GXYLT1: variants seen among roughly 807,000 people sequenced by gnomAD.
GXYLT1 encodes glycosyltransferase 8 domain containing 3.
A neutral mutation model predicts 54.0 loss-of-function variants in GXYLT1; 29 were observed. The observed-to-expected ratio is 0.54, with a 90% CI of 0.40 to 0.73. The LOEUF is 0.73. Among genes scored for constraint, GXYLT1 ranks in the 30% least tolerant of loss-of-function variants. GXYLT1 has a pLI of 0.00. For synonymous variants in GXYLT1, 176 were observed against 204.1 expected (o/e 0.86, Z 1.17); for missense variants, 490 against 553.4 (o/e 0.89, Z 1.15).
In GXYLT1 at chr12:42,086,831, A is replaced by T. The variant is rs1467839521; in HGVS notation, c.*955T>A. 6.6e-6 allele frequency: 1 copy of T among 152,110 alleles called. No homozygotes were observed. The highest frequency in any genetic ancestry group is 1.5e-5 in the Non-Finnish European group (1 of 68,000). The allele number at this position is 152,110 out of a possible 1,614,324, so 9.4% of individuals were successfully genotyped here. A position where few individuals can be genotyped will look rare whatever the true frequency, so the allele number is the denominator to read the frequency against. On this transcript the variant is annotated 3_prime_UTR_variant, in exon 8 of 8. Transcript: ENST00000398675. Reference sequence around the variant, plus strand: ...TGAGGTAGAAGACAAGTTTAAATGGACCATATTTTTCTACTCCATTGTAAC... The same window carrying T: ...TGAGGTAGAAGACAAGTTTAAATGGTCCATATTTTTCTACTCCATTGTAAC...
intron 1 of GXYLT1, among the ~76,000 whole-genome samples, chr12:42,138,252 G>C (rs1361062269): frequency 6.6e-6 from 1 of 152,120 alleles, no homozygotes; most frequent in African/African-American, 2.4e-5. Context: ...GGGTGACAGA[G>C]ACTGCGTCTG....
chr12:42,099,240 G>A (rs532178136), intron 5 of GXYLT1, among the ~76,000 whole-genome samples: 1 of 152,228 alleles, frequency 6.6e-6, no homozygotes, highest in South Asian at 2.1e-4. Context: ...CAACTAATTG[G>A]CATATCAACA....
At chr12:42,109,349 C>T (rs1435732703) in intron 4 of GXYLT1, among the ~76,000 whole-genome samples, 2 of 152,104 alleles carry the variant, frequency 1.3e-5, no homozygotes, top group African/African-American at 2.4e-5. Flanking sequence ...ACAGAAATTA[C>T]TAAAAATTTT....
chr12:42,125,145 T>C (rs950506746), intron 2 of GXYLT1, among the ~76,000 whole-genome samples: 4 of 151,970 alleles, frequency 2.6e-5, no homozygotes, highest in Non-Finnish European at 5.9e-5. Flanking sequence ...AAATGATGAG[T>C]ACAACGGTTA....
intron 1 of GXYLT1, among the ~76,000 whole-genome samples, chr12:42,136,311 G>C (rs562371123): frequency 8.5e-5 from 13 of 152,324 alleles, no homozygotes; most frequent in Non-Finnish European, 1.8e-4. Context: ...TAGTTATCCA[G>C]GTTCTGGCTA....
intron 7 of GXYLT1, among the ~76,000 whole-genome samples, chr12:42,094,484 C>A (rs1171627453): frequency 2.0e-5 from 3 of 151,814 alleles, no homozygotes; most frequent in Admixed American, 6.6e-5. Flanking sequence ...ACAGCAACAT[C>A]CCCATCTCCA....
At chr12:42,095,965 G>T (rs1325271125) in intron 7 of GXYLT1, among the ~76,000 whole-genome samples, 1 of 152,132 alleles carries the variant, frequency 6.6e-6, no homozygotes, top group African/African-American at 2.4e-5. Context: ...GCTGGTTTGG[G>T]GGTGGAGACA....
intron 2 of GXYLT1, among the ~76,000 whole-genome samples, chr12:42,129,118 C>A (rs533858079): frequency 5.3e-5 from 8 of 152,264 alleles, no homozygotes; most frequent in Admixed American, 3.3e-4. Context: ...ACTGCCTTAT[C>A]GTATTCTTAT....
chr12:42,137,527 C>T (rs1409847452), intron 1 of GXYLT1, among the ~76,000 whole-genome samples: 2 of 85,004 alleles, frequency 2.4e-5, no homozygotes, highest in African/African-American at 8.2e-5. Flanking sequence ...AAAAAAAAAG[C>T]GGATCACAAG....
intron 7 of GXYLT1, among the ~76,000 whole-genome samples, chr12:42,092,992 T>C (rs1006569829): frequency 1.3e-5 from 2 of 152,196 alleles, no homozygotes; most frequent in African/African-American, 4.8e-5. Flanking sequence ...CTATAAAACA[T>C]TCCTAAAAGA....
chr12:42,102,662 A>T (rs1053811322), intron 5 of GXYLT1, among the ~76,000 whole-genome samples: 1 of 152,130 alleles, frequency 6.6e-6, no homozygotes, highest in Non-Finnish European at 1.5e-5. Context: ...AAAAATTCCC[A>T]CCATGTCTAA....
intron 1 of GXYLT1, among the ~76,000 whole-genome samples, chr12:42,136,079 G>T (rs1249794542): frequency 6.6e-6 from 1 of 152,158 alleles, no homozygotes; most frequent in Non-Finnish European, 1.5e-5. Context: ...GAAGTAATTT[G>T]TTTATAGTTT....
At chr12:42,113,822 A>G (rs1354835478) in intron 3 of GXYLT1, among the ~76,000 whole-genome samples, 1 of 151,088 alleles carries the variant, frequency 6.6e-6, no homozygotes, top group Non-Finnish European at 1.5e-5. Flanking sequence ...TCAACAGAAT[A>G]TACATTCTTT....
At position 42,111,725 on chromosome 12, in the gene GXYLT1, CAA is replaced by C. The variant is rs555152251; in HGVS notation, c.487-2036_487-2035del. On this transcript the variant is annotated intron_variant, in intron 3 of 7. Transcript: ENST00000398675. ...CCTCTGGGGGCAGGGCACGGACAAA[CAA>C]AAAGACAGCAGTAACCTCTGCAGAC... is the stretch of plus-strand genomic sequence containing the variant. Among the ~76,000 whole-genome samples the C allele has an allele frequency of 2.7e-3, 405 of 152,350 alleles. 10 individuals are homozygous for C. In the East Asian group the frequency reaches 0.064, roughly 24 times the overall value.
chr12:42,113,541 T>C (rs2065472695), intron 3 of GXYLT1, among the ~76,000 whole-genome samples: 2 of 151,160 alleles, frequency 1.3e-5, no homozygotes, highest in South Asian at 2.1e-4. Context: ...AAGAAGGCCA[T>C]TACATAATGG....
intron 1 of GXYLT1, 62 bp downstream of exon 1, chr12:42,144,364 G>A: frequency 8.6e-7 from 1 of 1,161,990 alleles, no homozygotes; most frequent in Non-Finnish European, 1.1e-6. Flanking sequence ...GCCCGGGCTA[G>A]GCCGAGCCCG....
At position 42,136,683 on chromosome 12, in the gene GXYLT1, A is replaced by C. The variant is rs117469663; in HGVS notation, c.222-6832T>G. On this transcript the variant is annotated intron_variant, in intron 1 of 7. Transcript: ENST00000398675. ...GGTTACATGTATTTACATGTGATAAAACAACACTCGGCATAATAACATTTG... is the reference window on the plus strand; with the variant it reads ...GGTTACATGTATTTACATGTGATAACACAACACTCGGCATAATAACATTTG... 1.7e-3 allele frequency among the ~76,000 whole-genome samples: 262 copies of C among 152,272 alleles called. 2 individuals carry two copies. The South Asian group carries it at 0.037, about 22-fold the overall frequency.
chr12:42,094,279 A>C (rs1263102577), intron 7 of GXYLT1, among the ~76,000 whole-genome samples: 1 of 151,402 alleles, frequency 6.6e-6, no homozygotes, highest in Non-Finnish European at 1.5e-5. Flanking sequence ...TGAATCCAGA[A>C]GGTCAACGCT....
intron 2 of GXYLT1, among the ~76,000 whole-genome samples, chr12:42,121,806 T>A (rs2065533138): frequency 6.6e-6 from 1 of 152,010 alleles, no homozygotes; most frequent in Non-Finnish European, 1.5e-5. Context: ...CTGTTTGGGA[T>A]CCTTTTTAGT....
Sources: allele counts gnomAD v4.1 joint callset (sites outside exome capture counted in the v4.1 genomes callset), GRCh38; gene constraint gnomAD v4.1.1; transcripts MANE v1.5; gene names NCBI Gene and HGNC (gene_info 2026-07-23, HGNC 2026-07-21).